FBXL13: variants seen among roughly 807,000 people sequenced by gnomAD.
FBXL13 encodes F-box and leucine rich repeat protein 13, also known as F-box and leucine-rich repeat protein 13.
Under a neutral mutation model 83.6 loss-of-function variants are expected in FBXL13, and 67 were observed. The ratio of observed to expected loss-of-function variants is 0.80; its 90% CI spans 0.66 to 0.98. The LOEUF (loss-of-function observed/expected upper bound fraction) is 0.98, where lower values mean the gene tolerates loss of function less well. Ranked by LOEUF, FBXL13 falls within the 50% of genes least tolerant of loss-of-function variation. The pLI, the probability that FBXL13 is intolerant of heterozygous loss-of-function variation, is 0.00. For missense variants in FBXL13, 822 were observed against 866.5 expected, an observed-to-expected ratio of 0.95 and a Z score of 0.64; for synonymous variants, 272 against 299.5, an observed-to-expected ratio of 0.91 and a Z score of 0.95.
At chr7:102,957,788 C>T (rs1647976480) in intron 8 of FBXL13, among the ~76,000 whole-genome samples, 2 of 152,106 alleles carry the variant, frequency 1.3e-5, no homozygotes, top group Admixed American at 6.6e-5. Flanking sequence ...TGAAAAAAAG[C>T]TCATCATCAC....
intron 6 of FBXL13, among the ~76,000 whole-genome samples, chr7:103,012,797 A>G (rs1408786027): frequency 6.6e-6 from 1 of 152,228 alleles, no homozygotes; most frequent in Non-Finnish European, 1.5e-5. Flanking sequence ...TCAAATCCAC[A>G]TGTATCGATA....
chr7:102,868,629 A>G (rs1416995171), intron 16 of FBXL13, among the ~76,000 whole-genome samples: 1 of 152,048 alleles, frequency 6.6e-6, no homozygotes, highest in Non-Finnish European at 1.5e-5. Context: ...TATCTCTTTG[A>G]CATACTGATT....
At chr7:102,887,689 T>A (rs1021293746) in intron 11 of FBXL13, among the ~76,000 whole-genome samples, 1 of 152,166 alleles carries the variant, frequency 6.6e-6, no homozygotes, top group Non-Finnish European at 1.5e-5. Context: ...TTCACCCACA[T>A]TATAGAGGGG....
At chr7:102,851,371 G>C (rs1293412993) in intron 17 of FBXL13, among the ~76,000 whole-genome samples, 1 of 152,026 alleles carries the variant, frequency 6.6e-6, no homozygotes, top group Non-Finnish European at 1.5e-5. Flanking sequence ...GGACTTCTCA[G>C]CTATTATTGC....
At chr7:102,903,411 C>G (rs1164484360) in intron 11 of FBXL13, among the ~76,000 whole-genome samples, 1 of 152,022 alleles carries the variant, frequency 6.6e-6, no homozygotes, top group Non-Finnish European at 1.5e-5. Flanking sequence ...TTATATCTTT[C>G]TCTTGTCTGA....
At chr7:102,978,058 T>C (rs1827731431) in intron 6 of FBXL13, among the ~76,000 whole-genome samples, 1 of 152,164 alleles carries the variant, frequency 6.6e-6, no homozygotes, top group African/African-American at 2.4e-5. Flanking sequence ...TATACATATG[T>C]AACTAACCTG....
At chr7:102,931,238 G>A (rs1819117339) in intron 9 of FBXL13, among the ~76,000 whole-genome samples, 1 of 152,230 alleles carries the variant, frequency 6.6e-6, no homozygotes, top group Admixed American at 6.5e-5. Flanking sequence ...TGTAGGCACT[G>A]CAAATTAGTG....
At chr7:103,067,569 C>T (rs866928786) in intron 1 of FBXL13, among the ~76,000 whole-genome samples, 31 of 152,198 alleles carry the variant, frequency 2.0e-4, no homozygotes, top group Admixed American at 1.5e-3. Flanking sequence ...CCAGCCTCCA[C>T]GCTGTGAGGA....
At chr7:102,961,068 T>C (rs1219126428) in intron 8 of FBXL13, among the ~76,000 whole-genome samples, 1 of 148,676 alleles carries the variant, frequency 6.7e-6, no homozygotes, top group Non-Finnish European at 1.5e-5. Flanking sequence ...GACGACATGA[T>C]TGTATATCTA....
chr7:102,944,877 A>T (rs1303261999), intron 8 of FBXL13: 5 of 338,714 alleles, frequency 1.5e-5, no homozygotes, highest in Non-Finnish European at 2.6e-5. Flanking sequence ...ATGGCATTAG[A>T]CTTTCATAAT....
At chr7:103,000,889 T>C (rs1790318522) in intron 6 of FBXL13, among the ~76,000 whole-genome samples, 1 of 152,222 alleles carries the variant, frequency 6.6e-6, no homozygotes, top group Admixed American at 6.5e-5. Flanking sequence ...TTATATCTGA[T>C]ATAAGCATAG....
chr7:103,049,640 T>C (rs1345849203), intron 2 of FBXL13, among the ~76,000 whole-genome samples: 2 of 152,198 alleles, frequency 1.3e-5, no homozygotes, highest in Non-Finnish European at 2.9e-5. Context: ...CAAGAAAGGA[T>C]CTCTGGTGCC....
At chr7:102,860,824 T>C (rs998478137) in intron 16 of FBXL13, among the ~76,000 whole-genome samples, 58 of 152,192 alleles carry the variant, frequency 3.8e-4, no homozygotes, top group African/African-American at 1.3e-3. Flanking sequence ...GTTTAAAGAA[T>C]GGTTATAAAG....
At chr7:103,031,012 C>A (rs1460229651) in intron 2 of FBXL13, 1 of 152,106 alleles carries the variant, frequency 6.6e-6, no homozygotes, top group African/African-American at 2.4e-5. Context: ...AACAAACTCA[C>A]AATTTTTCAT....
intron 8 of FBXL13, among the ~76,000 whole-genome samples, chr7:102,937,315 A>G (rs1820510634): frequency 6.7e-6 from 1 of 148,800 alleles, no homozygotes; most frequent in Non-Finnish European, 1.5e-5. Context: ...GCCTGGCCAA[A>G]AAGTTGAAAC....
intron 18 of FBXL13, among the ~76,000 whole-genome samples, chr7:102,826,238 G>A (rs564346776): frequency 6.6e-6 from 1 of 152,168 alleles, no homozygotes; most frequent in South Asian, 2.1e-4. Flanking sequence ...CCTTGAAGAT[G>A]GACAGCAAGA....
Position 102,851,539 on chromosome 7 carries a change from C to G in FBXL13, c.1719+3238G>C, listed in dbSNP as rs1249185132. 2.2e-5 allele frequency among the ~76,000 whole-genome samples: 3 copies of G among 135,298 alleles called. No homozygotes were observed. The Admixed American group carries it at 2.3e-4, about 10-fold the overall frequency. 88.8% of individuals were successfully genotyped at this position (135,298 alleles called of 152,430 possible). On this transcript the variant is annotated intron_variant, in intron 17 of 19. Transcript: ENST00000313221. The stretch of plus-strand genomic sequence containing the variant: ...TTCTTCCTCCTCCTCTCCTCCTCTT[C>G]CTTTTCCTTCTTCTTCTCTCTCTCT...
intron 5 of FBXL13, among the ~76,000 whole-genome samples, chr7:103,026,252 A>T (rs1793903974): frequency 6.6e-6 from 1 of 151,398 alleles, no homozygotes; most frequent in South Asian, 2.1e-4. Context: ...GATTCTCCTG[A>T]CTCAGCCTCC....
chr7:103,060,457 A>T (rs1247211745), intron 1 of FBXL13, among the ~76,000 whole-genome samples: 1 of 152,180 alleles, frequency 6.6e-6, no homozygotes, highest in African/African-American at 2.4e-5. Flanking sequence ...GTACCACTCA[A>T]AGTCCAGTGT....
Sources: allele counts gnomAD v4.1 joint callset (sites outside exome capture counted in the v4.1 genomes callset), GRCh38; gene constraint gnomAD v4.1.1; transcripts MANE v1.5; gene names NCBI Gene and HGNC (gene_info 2026-07-23, HGNC 2026-07-21).